Variants in VPS13B observed in about 807,000 individuals in gnomAD.
The protein encoded by VPS13B is vacuolar protein sorting 13 homolog B, also known as intermembrane lipid transfer protein VPS13B.
Under a neutral mutation model 426.4 loss-of-function variants are expected in VPS13B, and 285 were observed. That is an observed-to-expected ratio of 0.67 (90% confidence interval 0.61 to 0.74). The LOEUF (loss-of-function observed/expected upper bound fraction) is 0.74, where lower values mean the gene tolerates loss of function less well. VPS13B is among the 30% of genes least tolerant of loss of function. The pLI is 0.00. For synonymous variants in VPS13B, 1,676 were observed against 1,676.4 expected (o/e 1.00, Z 0.01); for missense variants, 4,537 against 4,782.6 (o/e 0.95, Z 1.51).
chr8:99,853,788 A>C lies in VPS13B; in HGVS notation c.10399A>C (p.Lys3467Gln), dbSNP rs1816413060. 6.2e-7 allele frequency: 1 copy of C among 1,614,114 alleles called. No homozygotes were observed. The highest frequency in any genetic ancestry group is 8.5e-7 in the Non-Finnish European group (1 of 1,180,026). ...AATGCAGAGTCTCCTCATATCCAACAAAGAGTTGGAAGAATACAAGGAAAA... is the reference window on the plus strand; with the variant it reads ...AATGCAGAGTCTCCTCATATCCAACCAAGAGTTGGAAGAATACAAGGAAAA... ...SKMQSLLISN[K>Q]ELEEYKEKCF... Residue 3467 changes from lysine to glutamine, a missense_variant, in exon 56 of 62, where the codon AAA (lysine) becomes CAA (glutamine). Lys to Gln is a moderately conservative substitution (Grantham distance 53, BLOSUM62 1). Around this residue, in one of 2 missense-constraint regions of VPS13B, gnomAD observed 4,311 missense variants for 4,474.3 expected, o/e 0.96. Coordinates refer to ENST00000357162, the MANE Select transcript of VPS13B (RefSeq NM_152564.5).
intron 23 of VPS13B, among the ~76,000 whole-genome samples, chr8:99,465,640 T>C (rs1166905017): frequency 6.6e-6 from 1 of 152,142 alleles, no homozygotes; most frequent in Non-Finnish European, 1.5e-5. Context: ...CTTTAAAATA[T>C]ATAATCCGAA....
At chr8:99,717,097 AATATAG>A in intron 36 of VPS13B, 68 bp from the exon 37 acceptor site, 1 of 1,413,908 alleles carries the variant, frequency 7.1e-7, no homozygotes, top group Non-Finnish European at 9.8e-7. Flanking sequence ...ACTCTTCAAA[AATATAG>A]ATAGTTCTTT....
intron 3 of VPS13B, among the ~76,000 whole-genome samples, chr8:99,081,513 G>A (rs1254407009): frequency 6.6e-6 from 1 of 151,498 alleles, no homozygotes; most frequent in African/African-American, 2.4e-5. Flanking sequence ...CCATGTTGGT[G>A]TGCTGCACCC....
At chr8:99,717,701 G>A (rs2130320088) in intron 37 of VPS13B, among the ~76,000 whole-genome samples, 1 of 152,008 alleles carries the variant, frequency 6.6e-6, no homozygotes, top group South Asian at 2.1e-4. Context: ...CCCTTATCAG[G>A]CCTAGGAAAC....
At chr8:99,238,241 A>AGT (rs199541620) in intron 17 of VPS13B, among the ~76,000 whole-genome samples, 3,043 of 150,018 alleles carry the variant, frequency 0.02, 36 homozygotes, top group East Asian at 0.029. Flanking sequence ...AGTTTGTGGG[A>AGT]GTGTGTGTGT....
chr8:99,633,185 A>G (rs993655683), intron 33 of VPS13B, among the ~76,000 whole-genome samples: 12 of 152,034 alleles, frequency 7.9e-5, no homozygotes, highest in Non-Finnish European at 2.9e-5. Flanking sequence ...TTTAGGGGAT[A>G]AAGTAATCAA....
At chr8:99,503,621 G>A (rs1373857966) in intron 27 of VPS13B, among the ~76,000 whole-genome samples, 1 of 152,116 alleles carries the variant, frequency 6.6e-6, no homozygotes, top group African/African-American at 2.4e-5. Context: ...TTCCCCAGGA[G>A]TATTTTGCAT....
intron 30 of VPS13B, among the ~76,000 whole-genome samples, chr8:99,529,828 A>T (rs1279236188): frequency 6.6e-6 from 1 of 152,220 alleles, no homozygotes; most frequent in African/African-American, 2.4e-5. Context: ...CATAGTGTTC[A>T]GTTTTTAACA....
intron 17 of VPS13B, among the ~76,000 whole-genome samples, chr8:99,265,583 C>T (rs1392026566): frequency 1.3e-5 from 2 of 152,220 alleles, no homozygotes; most frequent in East Asian, 3.9e-4. Flanking sequence ...ACCCTTTAGT[C>T]TTCTGCCAGG....
At chr8:99,056,879 A>G (rs914815833) in intron 3 of VPS13B, among the ~76,000 whole-genome samples, 2 of 152,114 alleles carry the variant, frequency 1.3e-5, no homozygotes, top group Non-Finnish European at 2.9e-5. Flanking sequence ...AATTATTTAG[A>G]TTCCTTTGTA....
intron 36 of VPS13B, among the ~76,000 whole-genome samples, chr8:99,705,278 G>C (rs1563873391): frequency 6.6e-6 from 1 of 151,060 alleles, no homozygotes; most frequent in African/African-American, 2.5e-5. Flanking sequence ...TGGGAAATAA[G>C]AAGAACAAGT....
rs1057459771 is a variant in VPS13B, at chr8:99,128,416, A to T, written c.1207-6216A>T. 2.7e-5 allele frequency among the ~76,000 whole-genome samples: 4 copies of T among 150,134 alleles called. 1 individual carries two copies. The highest frequency in any genetic ancestry group is 2.7e-4 in the Admixed American group (4 of 15,088). On this transcript the variant is annotated intron_variant, in intron 8 of 61. Coordinates refer to ENST00000357162, the MANE Select transcript of VPS13B (RefSeq NM_152564.5). ...AAAAAAAAAAAAAAAAAAAAAAAAA[A>T]AAAAAAAAAAATTTGTTGTTTCTTC...
At chr8:99,817,981 A>G (rs1287019049) in intron 45 of VPS13B, among the ~76,000 whole-genome samples, 178 bp downstream of exon 45, 1 of 152,202 alleles carries the variant, frequency 6.6e-6, no homozygotes, top group East Asian at 1.9e-4. Flanking sequence ...ATACATTTGT[A>G]TCAGTTCCAG....
intron 21 of VPS13B, among the ~76,000 whole-genome samples, chr8:99,420,770 A>T (rs923719655): frequency 4.6e-5 from 7 of 152,164 alleles, no homozygotes; most frequent in Non-Finnish European, 8.8e-5. Flanking sequence ...TTAAGTCAGA[A>T]TTCTGCCAGG....
chr8:99,808,515 A>G (rs1313040038), intron 43 of VPS13B, among the ~76,000 whole-genome samples: 1 of 151,866 alleles, frequency 6.6e-6, no homozygotes, highest in Admixed American at 6.6e-5. Context: ...ACTCAAAAAA[A>G]AAAAAAAAAA....
intron 16 of VPS13B, among the ~76,000 whole-genome samples, chr8:99,183,104 T>C (rs1355344336): frequency 2.6e-5 from 4 of 152,208 alleles, no homozygotes; most frequent in African/African-American, 9.7e-5. Context: ...ATAATTCACC[T>C]TGGTATTGTA....
At chr8:99,037,559 A>G (rs544287121) in intron 2 of VPS13B, among the ~76,000 whole-genome samples, 11 of 152,292 alleles carry the variant, frequency 7.2e-5, no homozygotes, top group Non-Finnish European at 1.3e-4. Context: ...CCAACTAGGT[A>G]GACTAAAATG....
intron 33 of VPS13B, among the ~76,000 whole-genome samples, chr8:99,623,994 C>CATATATATATATATATATAT (rs770947718): frequency 7.4e-5 from 4 of 53,932 alleles, no homozygotes; most frequent in African/African-American, 2.2e-4. Flanking sequence ...ATGAAACATA[C>CATATATATATATATATATAT]ATATATATAT....
chr8:99,389,816 A>G (rs928958096), intron 20 of VPS13B: 6 of 152,242 alleles, frequency 3.9e-5, no homozygotes, highest in Middle Eastern at 3.4e-3. Flanking sequence ...TAGAGTTTGG[A>G]TTGTATTCCA....
Sources: allele counts gnomAD v4.1 joint callset (sites outside exome capture counted in the v4.1 genomes callset), GRCh38; gene constraint gnomAD v4.1.1; regional missense constraint gnomAD v4.1.1; transcripts MANE v1.5; gene names NCBI Gene and HGNC (gene_info 2026-07-23, HGNC 2026-07-21).